The following AP4M1 variants were observed in gnomAD, a reference collection of about 807,000 sequenced individuals.
AP4M1 encodes adaptor related protein complex 4 subunit mu 1.
AP4M1 carries 58 observed loss-of-function variants against 62.4 expected under a neutral mutation model. That is an observed-to-expected ratio of 0.93 (90% CI 0.75 to 1.16). The LOEUF (loss-of-function observed/expected upper bound fraction) is 1.16, where lower values mean the gene tolerates loss of function less well. Ranked by LOEUF, AP4M1 falls within the 50% of genes most tolerant of loss-of-function variation. The pLI, the probability that AP4M1 is intolerant of heterozygous loss-of-function variation, is 0.00. For synonymous variants in AP4M1, 290 were observed against 239.7 expected, an observed-to-expected ratio of 1.21 and a Z score of -1.94; for missense variants, 626 against 585.4, an observed-to-expected ratio of 1.07 and a Z score of -0.72.
rs773785064 is a variant in AP4M1 at position 100,105,354 on chromosome 7, T to C, written c.834+8T>C. ...CAACCACCTCAGGGCGAGGTCAGGG[T>C]TGGGGTGGCCTCATAAATTCCGTCC... On this transcript the variant is annotated splice_region_variant and intron_variant, in intron 10 of 14. Transcript: ENST00000359593. 7 of 1,613,972 alleles carry C rather than the reference T, an allele frequency of 4.3e-6. No individual in the cohort carries two copies. In the Admixed American group the frequency reaches 1.2e-4, roughly 27 times the overall value.
At chr7:100,101,573 C>T (rs1409529732), upstream of AP4M1, 15 of 935,590 alleles carry the variant, frequency 1.6e-5, no homozygotes, top group Non-Finnish European at 2.2e-5. Flanking sequence ...GTGCAGGCGC[C>T]GGGTTTCCCG....
In AP4M1 at chr7:100,107,426, T is replaced by C. The variant is rs201480685; in HGVS notation, c.*544T>C. On this transcript the variant is annotated 3_prime_UTR_variant, in exon 15 of 15. Transcript: ENST00000359593. ...GAGAAGGATGGGAGGTGGGGCCTCCTTTGCCCTCCCCTGTTGGGGGAAGTG... is the reference window on the plus strand; with the variant it reads ...GAGAAGGATGGGAGGTGGGGCCTCCCTTGCCCTCCCCTGTTGGGGGAAGTG... The C allele has an allele frequency of 3.0e-5, 48 of 1,610,082 alleles. No individual in the cohort carries two copies. Among genetic ancestry groups the C allele is most frequent in the Non-Finnish European group, 5.9e-6 (7 of 1,177,290 alleles).
chr7:100,102,488 G>T lies in AP4M1; in HGVS notation c.148-187G>T, dbSNP rs891548627. ...GCGTGACTCCATCCTCAGCAACTCGGGGTAGTTAGTGTAATTAACCCCCTT... is the reference window on the plus strand; with the variant it reads ...GCGTGACTCCATCCTCAGCAACTCGTGGTAGTTAGTGTAATTAACCCCCTT... On this transcript the variant is annotated intron_variant, in intron 2 of 14. Coordinates refer to ENST00000359593, the MANE Select transcript of AP4M1 (RefSeq NM_004722.4). 7.7e-6 allele frequency: 5 copies of T among 652,206 alleles called. No individual in the cohort carries two copies. The Admixed American group carries it at 8.8e-5, about 11-fold the overall frequency. 40.4% of individuals were successfully genotyped at this position (652,206 alleles called of 1,614,324 possible). A position where few individuals can be genotyped will look rare whatever the true frequency, so the allele number is the denominator to read the frequency against.
rs757419197 is a variant in AP4M1, at chr7:100,102,940, G to A, written c.331G>A (p.Glu111Lys). 1.2e-6 allele frequency: 2 copies of A among 1,613,966 alleles called. No homozygotes were observed. Among genetic ancestry groups the A allele is most frequent in the East Asian group, 2.2e-5 (1 of 44,884 alleles). Residue 111 changes from glutamate to lysine, a missense_variant, in exon 4 of 15, where the codon GAA becomes AAA. Coordinates refer to ENST00000359593, the MANE Select transcript of AP4M1 (RefSeq NM_004722.4). ...TISRNVALVYELLDEVLDYGY... is the reference protein window; with the variant it reads ...TISRNVALVYKLLDEVLDYGY... ...CTCCCGCAATGTGGCTCTGGTATAC[G>A]AACTCCTGGATGAAGTGCTGGTGAG...
At position 100,106,146 on chromosome 7, in the gene AP4M1, G is replaced by A. The variant is rs558750667; in HGVS notation, c.975-95G>A. 28 of 1,551,096 alleles carry A rather than the reference G, an allele frequency of 1.8e-5. No homozygotes were observed. In the African/African-American group the frequency reaches 2.2e-4, roughly 12 times the overall value. On this transcript the variant is annotated intron_variant, in intron 12 of 14. Transcript: ENST00000359593. ...GGCTGTAGAATTTGGGAAGGTGGGGGGCACCTGTGCTGAAATCCTGTTATG... is the reference window on the plus strand; with the variant it reads ...GGCTGTAGAATTTGGGAAGGTGGGGAGCACCTGTGCTGAAATCCTGTTATG...
chr7:100,100,812 G>A (rs1795965152), upstream of AP4M1: 11 of 998,876 alleles, frequency 1.1e-5, no homozygotes, highest in South Asian at 4.3e-5. Flanking sequence ...TCGGAGGGCG[G>A]CCTCAAACGG....
rs371712994 is a variant in AP4M1, at chr7:100,105,051, G to A, written c.680G>A (p.Arg227His). 22 of 1,614,028 alleles carry A rather than the reference G, an allele frequency of 1.4e-5. No individual in the cohort carries two copies. The highest frequency in any genetic ancestry group is 8.0e-5 in the African/African-American group (6 of 74,908). Residue 227 changes from arginine (R) to histidine (H), a missense_variant, in exon 9 of 15, where the codon CGC (arginine) becomes CAC (histidine). Coordinates refer to ENST00000359593, the MANE Select transcript of AP4M1 (RefSeq NM_004722.4). Reference protein sequence around the residue: ...KSFLPSGSEMRIGLTEEFCVG... With the variant: ...KSFLPSGSEMHIGLTEEFCVG... ...ATGGTCTCTCCTCCGACAGAGATGC[G>A]CATTGGCTTGACGGAAGAGTTTTGT...
chr7:100,105,046 G>A lies in AP4M1; in HGVS notation c.675G>A (p.Glu225=). The A allele has an allele frequency of 6.2e-7, 1 of 1,614,198 alleles. No individual in the cohort carries two copies. Among genetic ancestry groups the A allele is most frequent in the Non-Finnish European group, 8.5e-7 (1 of 1,180,036 alleles). ...RLKSFLPSGS[E]MRIGLTEEFC... ...TCCTGATGGTCTCTCCTCCGACAGA[G>A]ATGCGCATTGGCTTGACGGAAGAGT... Residue 225 remains glutamate (E), a splice_region_variant and synonymous_variant, in exon 9 of 15, where the codon GAG becomes GAA. Coordinates refer to ENST00000359593, the MANE Select transcript of AP4M1 (RefSeq NM_004722.4).
chr7:100,103,016 C>T lies in AP4M1; in HGVS notation c.351+56C>T, dbSNP rs1410557604. On this transcript the variant is annotated intron_variant, in intron 4 of 14. Coordinates refer to ENST00000359593, the MANE Select transcript of AP4M1 (RefSeq NM_004722.4). ...CTACCCAATTCCCCTGAAGATACATCTGCTCTTCTACTGTGGGATGCCGTG... is the reference window on the plus strand; with the variant it reads ...CTACCCAATTCCCCTGAAGATACATTTGCTCTTCTACTGTGGGATGCCGTG... 3 of 1,365,732 alleles carry T rather than the reference C, an allele frequency of 2.2e-6. No homozygotes were observed. The African/African-American group carries it at 4.3e-5, about 20-fold the overall frequency. The allele number at this position is 1,365,732 out of a possible 1,614,324, so 84.6% of individuals were successfully genotyped here.
intron 2 of AP4M1, 22 bp from the exon 3 acceptor site, chr7:100,102,653 C>CT (rs1796148335): frequency 6.2e-7 from 1 of 1,610,698 alleles, no homozygotes. Context: ...TAACGCCTCT[C>CT]TTCTCCCTGC....
upstream of AP4M1, chr7:100,101,285 TCAGTG>T: frequency 6.2e-7 from 1 of 1,613,270 alleles, no homozygotes; most frequent in Non-Finnish European, 8.5e-7. Flanking sequence ...GCGTAGTCCT[TCAGTG>T]CCATCGCTGC....
At chr7:100,101,184 C>T, upstream of AP4M1, 1 of 1,577,976 alleles carries the variant, frequency 6.3e-7, no homozygotes, top group Admixed American at 1.7e-5. Flanking sequence ...CCCGGTCCCC[C>T]AAGACCCCAG....
chr7:100,103,887 C>CAA lies in AP4M1; in HGVS notation c.544-187_544-186dup, dbSNP rs10671291. On this transcript the variant is annotated intron_variant, in intron 6 of 14. Transcript: ENST00000359593. ...TGAAAACCTGTCTCTACTAAAAATG[C>CAA]AAAAAAAAAAAAAAAAAAAGAAAAA... is the stretch of plus-strand genomic sequence containing the variant. 0.5 allele frequency among the ~76,000 whole-genome samples: 45,969 copies of CAA among 91,480 alleles called. 10,445 individuals carry two copies. Among genetic ancestry groups the CAA allele is most frequent in the East Asian group, 0.78 (2,463 of 3,150 alleles). The allele number at this position is 91,480 out of a possible 152,430, so 60.0% of individuals were successfully genotyped here.
rs761653566 is a variant in AP4M1 at position 100,108,508 on chromosome 7, G to T, written c.*1626G>T. 2.5e-6 allele frequency: 4 copies of T among 1,612,734 alleles called. No homozygotes were observed. Among genetic ancestry groups the T allele is most frequent in the Non-Finnish European group, 2.5e-6 (3 of 1,178,982 alleles). The stretch of plus-strand genomic sequence containing the variant: ...AGGCGTCCTGATTGTCAGGCGGTGG[G>T]CGCAGCTTTGCCAGAACAGGAGCAC... On this transcript the variant is annotated 3_prime_UTR_variant, in exon 15 of 15. Coordinates refer to ENST00000359593, the MANE Select transcript of AP4M1 (RefSeq NM_004722.4).
intron 14 of AP4M1, 40 bp downstream of exon 14, chr7:100,106,554 C>G: frequency 6.3e-7 from 1 of 1,595,346 alleles, no homozygotes; most frequent in Non-Finnish European, 8.6e-7. Flanking sequence ...CTCCCACATT[C>G]ACTTGCAGCC....
In AP4M1 at chr7:100,107,002, C is replaced by T; in HGVS notation, c.*120C>T. The stretch of plus-strand genomic sequence containing the variant: ...ATCTGGGCAGGAAGAGTCCTCAGTC[C>T]CAAGACCAGGAGGGGGCAATGGGCC... On this transcript the variant is annotated 3_prime_UTR_variant, in exon 15 of 15. Transcript: ENST00000359593. 1 of 1,318,944 alleles carries T rather than the reference C, an allele frequency of 7.6e-7. No individual in the cohort carries two copies. The highest frequency in any genetic ancestry group is 1.1e-6 in the Non-Finnish European group (1 of 950,116). 81.7% of individuals were successfully genotyped at this position (1,318,944 alleles called of 1,614,324 possible).
chr7:100,104,700 AG>A (rs1796319748), intron 7 of AP4M1, among the ~76,000 whole-genome samples, 173 bp from the exon 8 acceptor site: 1 of 152,090 alleles, frequency 6.6e-6, no homozygotes, highest in Non-Finnish European at 1.5e-5. Flanking sequence ...TTATGGTGGC[AG>A]GCATCTGTAA....
In AP4M1 at chr7:100,107,933, G is replaced by T. The variant is rs767766029; in HGVS notation, c.*1051G>T. The T allele has an allele frequency of 1.2e-6, 2 of 1,609,620 alleles. No homozygotes were observed. The highest frequency in any genetic ancestry group is 8.5e-7 in the Non-Finnish European group (1 of 1,177,336). ...TCCCACAGCTCTGCATACCTGCTGGGTGGATGGGGCGCTGGAGGACGATGA... is the reference window on the plus strand; with the variant it reads ...TCCCACAGCTCTGCATACCTGCTGGTTGGATGGGGCGCTGGAGGACGATGA... On this transcript the variant is annotated 3_prime_UTR_variant, in exon 15 of 15. Coordinates refer to ENST00000359593, the MANE Select transcript of AP4M1 (RefSeq NM_004722.4).
chr7:100,101,830 A>T, intron 1 of AP4M1, 50 bp from the exon 2 acceptor site: 2 of 1,610,882 alleles, frequency 1.2e-6, no homozygotes, highest in Non-Finnish European at 1.7e-6. Flanking sequence ...AGGGGCGCCC[A>T]GGGCCAGCCT....
Sources: gnomAD v4.1 joint callset for allele counts (sites outside exome capture counted in the v4.1 genomes callset) on GRCh38, gnomAD v4.1.1 for gene constraint, MANE v1.5 for transcripts, NCBI Gene and HGNC (gene_info 2026-07-23, HGNC 2026-07-21) for gene names.